Variants in CDH12 observed in about 807,000 individuals in gnomAD.
The protein encoded by CDH12 is cadherin-12.
In CDH12, 41 loss-of-function variants were observed where a neutral mutation model predicts 74.1. That is an observed-to-expected ratio of 0.55 (90% CI 0.43 to 0.72). The LOEUF (loss-of-function observed/expected upper bound fraction) is 0.72. Among genes scored for constraint, CDH12 ranks in the 30% least tolerant of loss-of-function variants. CDH12 has a pLI of 0.00. For synonymous variants in CDH12, 399 were observed against 355.0 expected, an observed-to-expected ratio of 1.12 and a Z score of -1.39; for missense variants, 945 against 977.2, an observed-to-expected ratio of 0.97 and a Z score of 0.44.
rs189610978 is a variant in CDH12, at chr5:21,988,479, G to A, written c.232-13094C>T. Among the ~76,000 whole-genome samples the A allele has an allele frequency of 2.7e-3, 305 of 111,060 alleles. 1 individual carries two copies. The highest frequency in any genetic ancestry group is 4.4e-3 in the Non-Finnish European group (264 of 60,080). The allele number at this position is 111,060 out of a possible 152,430, so 72.9% of individuals were successfully genotyped here. ...TGCACTCCAGCCTGGGCGACAGAGCGAGACTCCGTCTCAAAAAAAAAAAAA... is the reference window on the plus strand; with the variant it reads ...TGCACTCCAGCCTGGGCGACAGAGCAAGACTCCGTCTCAAAAAAAAAAAAA... On this transcript the variant is annotated intron_variant, in intron 5 of 14. Coordinates refer to ENST00000382254, the MANE Select transcript of CDH12 (RefSeq NM_004061.5).
chr5:22,013,643 A>C (rs1340078488), intron 5 of CDH12, among the ~76,000 whole-genome samples: 1 of 152,208 alleles, frequency 6.6e-6, no homozygotes, highest in Non-Finnish European at 1.5e-5. Context: ...TGTAGAATTC[A>C]TAAAAGGAAG....
chr5:22,023,295 T>C (rs1738110156), intron 5 of CDH12, among the ~76,000 whole-genome samples: 1 of 152,154 alleles, frequency 6.6e-6, no homozygotes, highest in South Asian at 2.1e-4. Context: ...GTATGCCACC[T>C]GGACATTTTT....
At chr5:22,242,291 T>C (rs1752778171) in intron 3 of CDH12, among the ~76,000 whole-genome samples, 1 of 152,212 alleles carries the variant, frequency 6.6e-6, no homozygotes, top group Non-Finnish European at 1.5e-5. Flanking sequence ...TTTTGCCTAA[T>C]TATACCTGGA....
At chr5:21,903,389 G>A (rs1753488558) in intron 6 of CDH12, among the ~76,000 whole-genome samples, 1 of 152,096 alleles carries the variant, frequency 6.6e-6, no homozygotes, top group Admixed American at 6.6e-5. Context: ...TAAGAAGCAT[G>A]CAAATAGATC....
intron 3 of CDH12, among the ~76,000 whole-genome samples, chr5:22,258,496 A>G (rs1753398991): frequency 2.0e-5 from 3 of 151,882 alleles, no homozygotes; most frequent in Admixed American, 2.0e-4. Flanking sequence ...TAGTAAAACC[A>G]TCTCTGCATA....
At chr5:22,157,558 A>T (rs539763964) in intron 4 of CDH12, among the ~76,000 whole-genome samples, 87 of 151,058 alleles carry the variant, frequency 5.8e-4, no homozygotes, top group Non-Finnish European at 1.0e-3. Flanking sequence ...ACAAGAAGAT[A>T]GACATTTAGC....
chr5:21,908,788 C>T (rs1037004020), intron 6 of CDH12, among the ~76,000 whole-genome samples: 1 of 152,110 alleles, frequency 6.6e-6, no homozygotes, highest in Non-Finnish European at 1.5e-5. Flanking sequence ...CTGACAATTC[C>T]CCAGAAAAGG....
rs181900429 is a variant in CDH12, at chr5:22,287,580, C to T, written c.-332-74937G>A. Reference sequence around the variant, plus strand: ...TCTACTAAAAATACAAAAAATTAGCCGGCGCGGTGGCGGGCGCCTGTAGTC... The same window carrying T: ...TCTACTAAAAATACAAAAAATTAGCTGGCGCGGTGGCGGGCGCCTGTAGTC... On this transcript the variant is annotated intron_variant, in intron 3 of 14. Coordinates refer to ENST00000382254, the MANE Select transcript of CDH12 (RefSeq NM_004061.5). 3.1e-3 allele frequency among the ~76,000 whole-genome samples: 464 copies of T among 151,358 alleles called. 1 individual carries two copies. The highest frequency in any genetic ancestry group is 5.2e-3 in the Non-Finnish European group (350 of 67,796).
intron 1 of CDH12, among the ~76,000 whole-genome samples, chr5:22,747,460 C>CAA (rs773289338): frequency 8.1e-4 from 49 of 60,480 alleles, no homozygotes; most frequent in African/African-American, 1.2e-3. Context: ...CCTGTCTGTA[C>CAA]AAAAAAAAAA....
chr5:22,808,081 A>G (rs762752054), intron 1 of CDH12, among the ~76,000 whole-genome samples: 1 of 152,350 alleles, frequency 6.6e-6, no homozygotes, highest in South Asian at 2.1e-4. Flanking sequence ...TTGTTATGCC[A>G]TGCATGACTG....
At chr5:22,561,783 G>C (rs965222866) in intron 1 of CDH12, among the ~76,000 whole-genome samples, 1 of 152,160 alleles carries the variant, frequency 6.6e-6, no homozygotes, top group Non-Finnish European at 1.5e-5. Flanking sequence ...TTAGCAGTCT[G>C]TCAAGTACTT....
intron 2 of CDH12, among the ~76,000 whole-genome samples, chr5:22,406,221 T>G (rs1742933333): frequency 6.6e-6 from 1 of 152,156 alleles, no homozygotes; most frequent in South Asian, 2.1e-4. Flanking sequence ...GGTTGGCAAG[T>G]CGAGGACTCT....
At chr5:22,760,532 A>T (rs959285118) in intron 1 of CDH12, among the ~76,000 whole-genome samples, 3 of 152,054 alleles carry the variant, frequency 2.0e-5, no homozygotes, top group Non-Finnish European at 4.4e-5. Flanking sequence ...TACAAAAATT[A>T]GCTGGGCATG....
intron 3 of CDH12, among the ~76,000 whole-genome samples, chr5:22,308,683 C>G (rs1216116716): frequency 6.6e-6 from 1 of 152,022 alleles, no homozygotes; most frequent in African/African-American, 2.4e-5. Flanking sequence ...TTTGCAGATC[C>G]TTAACTTGAT....
intron 3 of CDH12, among the ~76,000 whole-genome samples, chr5:22,292,237 T>G (rs1455115455): frequency 6.6e-6 from 1 of 151,838 alleles, no homozygotes. Context: ...GACCTAAAAC[T>G]ATGAAACCAC....
chr5:22,016,537 A>G (rs1737618832), intron 5 of CDH12, among the ~76,000 whole-genome samples: 1 of 151,982 alleles, frequency 6.6e-6, no homozygotes, highest in African/African-American at 2.4e-5. Flanking sequence ...CTGGGACTAC[A>G]GGAATGTCCA....
chr5:22,602,940 C>T (rs903688736), intron 1 of CDH12, among the ~76,000 whole-genome samples: 1 of 152,116 alleles, frequency 6.6e-6, no homozygotes, highest in African/African-American at 2.4e-5. Context: ...ATAATTGACT[C>T]TGAGTCTTTC....
intron 3 of CDH12, among the ~76,000 whole-genome samples, chr5:22,293,267 A>G (rs1478032081): frequency 1.3e-5 from 2 of 152,064 alleles, no homozygotes; most frequent in African/African-American, 4.8e-5. Context: ...TTAGGGATAA[A>G]AACCCCTACC....
chr5:22,842,020 T>C (rs1035039271), intron 1 of CDH12, among the ~76,000 whole-genome samples: 1 of 152,114 alleles, frequency 6.6e-6, no homozygotes, highest in Non-Finnish European at 1.5e-5. Flanking sequence ...ATCATGTAGG[T>C]GGCAAAAAAT....
Sources: gnomAD v4.1 joint callset for allele counts (sites outside exome capture counted in the v4.1 genomes callset) on GRCh38, gnomAD v4.1.1 for gene constraint, MANE v1.5 for transcripts, NCBI Gene and HGNC (gene_info 2026-07-23, HGNC 2026-07-21) for gene names.